Variants in AK3 observed in about 807,000 individuals in gnomAD.
AK3 encodes adenylate kinase 3.
A neutral mutation model predicts 23.7 loss-of-function variants in AK3; 27 were observed. The ratio of observed to expected loss-of-function variants is 1.14; its 90% CI spans 0.84 to 1.57. The LOEUF is 1.57. Ranked by LOEUF, AK3 falls within the 40% of genes most tolerant of loss-of-function variation. The pLI is 0.00. For synonymous variants in AK3, 159 were observed against 116.0 expected (o/e 1.37, Z -2.38); for missense variants, 406 against 285.6 (o/e 1.42, Z -3.04).
At chr9:4,734,029 C>T (rs760025421) in intron 1 of AK3, among the ~76,000 whole-genome samples, 6 of 152,112 alleles carry the variant, frequency 3.9e-5, no homozygotes, top group Admixed American at 2.6e-4. Flanking sequence ...GTATGTCTCC[C>T]CTAAATCTGT....
In AK3 at chr9:4,710,060, G is replaced by GT. The variant is rs1841510391; in HGVS notation, c.*2915dup. ...GGGTGGGGTTTAGAGATTTGAGCCA[G>GT]TATTTAAACTATTTGAAATGGAACT... On this transcript the variant is annotated 3_prime_UTR_variant, in exon 5 of 5. Coordinates refer to ENST00000381809, the MANE Select transcript of AK3 (RefSeq NM_016282.4). 1 of 152,222 alleles carries GT rather than the reference G, an allele frequency of 6.6e-6. No homozygotes were observed. Among genetic ancestry groups the GT allele is most frequent in the South Asian group, 2.1e-4 (1 of 4,830 alleles). The allele number at this position is 152,222 out of a possible 1,614,324, so 9.4% of individuals were successfully genotyped here.
intron 2 of AK3, among the ~76,000 whole-genome samples, chr9:4,719,841 G>A (rs924905329): frequency 3.3e-5 from 5 of 152,092 alleles, no homozygotes; most frequent in Non-Finnish European, 7.4e-5. Context: ...TGAGGAGGGC[G>A]GATCACCTGA....
At chr9:4,719,452 G>T (rs575784988) in intron 2 of AK3, 145 bp from the exon 3 acceptor site, 8 of 748,744 alleles carry the variant, frequency 1.1e-5, no homozygotes, top group Non-Finnish European at 1.7e-5. Context: ...CAGGCAGGCC[G>T]ATCACAGCTG....
chr9:4,719,983 G>C (rs893077034), intron 2 of AK3, among the ~76,000 whole-genome samples: 4 of 152,102 alleles, frequency 2.6e-5, no homozygotes, highest in Non-Finnish European at 4.4e-5. Context: ...AGAATCGCTT[G>C]AACCCGGGAG....
chr9:4,735,657 CG>C (rs1160613378), intron 1 of AK3, among the ~76,000 whole-genome samples: 1 of 149,330 alleles, frequency 6.7e-6, no homozygotes, highest in Non-Finnish European at 1.5e-5. Flanking sequence ...TTAGTAGAGA[CG>C]GGGTCTCACC....
intron 1 of AK3, among the ~76,000 whole-genome samples, chr9:4,733,585 G>A (rs756846937): frequency 2.0e-5 from 3 of 152,056 alleles, no homozygotes; most frequent in Non-Finnish European, 4.4e-5. Flanking sequence ...TGTTCCTCCC[G>A]CTCACCATCA....
chr9:4,739,694 G>A (rs1007534985), intron 1 of AK3, among the ~76,000 whole-genome samples: 4 of 152,036 alleles, frequency 2.6e-5, no homozygotes, highest in Non-Finnish European at 5.9e-5. Context: ...CACTTTGGAA[G>A]GCCGAGCCGG....
intron 4 of AK3, 128 bp downstream of exon 4, chr9:4,718,291 C>T: frequency 1.4e-6 from 1 of 707,808 alleles, no homozygotes; most frequent in Non-Finnish European, 2.5e-6. Flanking sequence ...AATGTATTTC[C>T]TTTATTACTT....
intron 2 of AK3, among the ~76,000 whole-genome samples, chr9:4,721,547 C>T (rs1355598521): frequency 6.6e-6 from 1 of 151,230 alleles, no homozygotes; most frequent in Non-Finnish European, 1.5e-5. Context: ...GCAGCCTCTG[C>T]CTCCCAGTTC....
At chr9:4,739,334 G>A (rs984680754) in intron 1 of AK3, among the ~76,000 whole-genome samples, 1 of 151,474 alleles carries the variant, frequency 6.6e-6, no homozygotes, top group East Asian at 1.9e-4. Flanking sequence ...AGGATCACAG[G>A]TGCCTGCCAC....
chr9:4,740,983 G>C lies in AK3; in HGVS notation c.105C>G (p.His35Gln). 1 of 1,591,160 alleles carries C rather than the reference G, an allele frequency of 6.3e-7. No homozygotes were observed. The change falls in exon 1 of 5, where the codon CAC (histidine) becomes CAG (glutamine). Residue 35 changes from histidine (H) to glutamine (Q), a missense_variant. Coordinates refer to ENST00000381809, the MANE Select transcript of AK3 (RefSeq NM_016282.4). ...CCCGGAGCAGGTCCCCGCTGGAGAG[G>C]TGCTTCAGCTCGAAGTGTGTAGTGA... is the stretch of plus-strand genomic sequence containing the variant. Reference protein sequence around the residue: ...SRITTHFELKHLSSGDLLRDN... With the variant: ...SRITTHFELKQLSSGDLLRDN...
intron 1 of AK3, among the ~76,000 whole-genome samples, chr9:4,739,151 G>A (rs382481): frequency 1 from 151,802 of 152,184 alleles, 75,711 homozygotes; most frequent in Middle Eastern, 1. Context: ...AACTACTTCA[G>A]TATGTCGCAT....
chr9:4,727,424 G>A lies in AK3; in HGVS notation c.152-4799C>T, dbSNP rs765651893. On this transcript the variant is annotated intron_variant, in intron 1 of 4. Coordinates refer to ENST00000381809, the MANE Select transcript of AK3 (RefSeq NM_016282.4). ...TGCTGCAGCTTCTACATCAGCACTT[G>A]CACTTTCCTGTTATAGAGACGGCTT... Among the ~76,000 whole-genome samples, 5 of 152,170 alleles carry A rather than the reference G, an allele frequency of 3.3e-5. No individual in the cohort carries two copies. In the South Asian group the frequency reaches 6.2e-4, roughly 19 times the overall value.
In AK3 at chr9:4,719,254, C is replaced by T. The variant is rs149059008; in HGVS notation, c.325G>A (p.Asp109Asn). Residue 109 changes from aspartate (D) to asparagine (N), a missense_variant, in exon 3 of 5, where the codon GAC becomes AAC. Transcript: ENST00000381809. ...GGCACATTCAGGTTAATCACTGTGTCGATCTGATAAGCTCTATCTAGGGCT... is the reference window on the plus strand; with the variant it reads ...GGCACATTCAGGTTAATCACTGTGTTGATCTGATAAGCTCTATCTAGGGCT... Reference protein sequence around the residue: ...AEALDRAYQIDTVINLNVPFE... With the variant: ...AEALDRAYQINTVINLNVPFE... 6.8e-6 allele frequency: 11 copies of T among 1,607,368 alleles called. No homozygotes were observed. Among genetic ancestry groups the T allele is most frequent in the East Asian group, 4.5e-5 (2 of 44,532 alleles).
In AK3 at chr9:4,712,764, T is replaced by TGTTGA. The variant is rs1407375026; in HGVS notation, c.*211_*212insTCAAC. ...CATCGCTGATGTTTTTGAGGATAAC[T>TGTTGA]GCATACAACACACTAGATGATTTCA... On this transcript the variant is annotated 3_prime_UTR_variant, in exon 5 of 5. Coordinates refer to ENST00000381809, the MANE Select transcript of AK3 (RefSeq NM_016282.4). The TGTTGA allele has an allele frequency of 9.5e-6, 4 of 419,622 alleles. No homozygotes were observed. The highest frequency in any genetic ancestry group is 6.0e-5 in the African/African-American group (3 of 49,676). The allele number at this position is 419,622 out of a possible 1,614,324, so 26.0% of individuals were successfully genotyped here.
rs1338790769 is a variant in AK3, at chr9:4,709,562, C to T, written c.*3414G>A. 6.6e-6 allele frequency: 1 copy of T among 152,190 alleles called. No individual in the cohort carries two copies. 9.4% of individuals were successfully genotyped at this position (152,190 alleles called of 1,614,324 possible). ...TGACACAGTGCTGGACTGATTTACACTTAGGCATGACAGTTTATTCAGTGC... is the reference window on the plus strand; with the variant it reads ...TGACACAGTGCTGGACTGATTTACATTTAGGCATGACAGTTTATTCAGTGC... On this transcript the variant is annotated 3_prime_UTR_variant, in exon 5 of 5. Transcript: ENST00000381809.
At chr9:4,725,606 A>T (rs1842006407) in intron 1 of AK3, among the ~76,000 whole-genome samples, 1 of 152,040 alleles carries the variant, frequency 6.6e-6, no homozygotes, top group South Asian at 2.1e-4. Flanking sequence ...CCATCTCTTA[A>T]AAAAGAAACG....
chr9:4,718,328 C>T (rs983939829), intron 4 of AK3, 91 bp downstream of exon 4: 3 of 930,880 alleles, frequency 3.2e-6, no homozygotes, highest in Admixed American at 3.7e-5. Flanking sequence ...GGTCTTTTGG[C>T]ATTTTAGCAT....
At position 4,741,009 on chromosome 9, in the gene AK3, T is replaced by C. The variant is rs1235948723; in HGVS notation, c.79A>G (p.Ile27Val). The change falls in exon 1 of 5, where the codon ATC (isoleucine) becomes GTC (valine). Residue 27 changes from isoleucine to valine, a missense_variant. Physicochemically the swap from Ile to Val is conservative, Grantham distance 29. Transcript: ENST00000381809. ...GSGKGTVSSR[I>V]TTHFELKHLS... ...TGCTTCAGCTCGAAGTGTGTAGTGATGCGCGACGACACGGTGCCCTTGCCC... is the reference window on the plus strand; with the variant it reads ...TGCTTCAGCTCGAAGTGTGTAGTGACGCGCGACGACACGGTGCCCTTGCCC... 6.3e-7 allele frequency: 1 copy of C among 1,594,828 alleles called. No individual in the cohort carries two copies. The highest frequency in any genetic ancestry group is 8.5e-7 in the Non-Finnish European group (1 of 1,172,532).
Sources: gnomAD v4.1 joint callset for allele counts (sites outside exome capture counted in the v4.1 genomes callset) on GRCh38, gnomAD v4.1.1 for gene constraint, MANE v1.5 for transcripts, NCBI Gene and HGNC (gene_info 2026-07-23, HGNC 2026-07-21) for gene names.